Variants in TANC2 observed in about 807,000 individuals in gnomAD.
TANC2 encodes protein TANC2.
Under a neutral mutation model 210.5 loss-of-function variants are expected in TANC2, and 26 were observed. The observed-to-expected ratio is 0.12, with a 90% CI of 0.09 to 0.17. TANC2 has a LOEUF of 0.17. Among genes scored for constraint, TANC2 ranks in the 10% least tolerant of loss-of-function variants. The pLI is 1.00. For synonymous variants in TANC2, 931 were observed against 967.1 expected, an observed-to-expected ratio of 0.96 and a Z score of 0.69; for missense variants, 2,129 against 2,608.9, an observed-to-expected ratio of 0.82 and a Z score of 4.01.
intron 4 of TANC2, among the ~76,000 whole-genome samples, chr17:63,146,186 C>G (rs908209836): frequency 6.6e-6 from 1 of 151,858 alleles, no homozygotes; most frequent in East Asian, 1.9e-4. Flanking sequence ...TGAACTGTCT[C>G]CTTAGGTTTT....
chr17:63,065,277 C>G (rs1024299056), intron 2 of TANC2, among the ~76,000 whole-genome samples: 1 of 152,178 alleles, frequency 6.6e-6, no homozygotes, highest in African/African-American at 2.4e-5. Flanking sequence ...CCCACACATT[C>G]ACCACATTTT....
chr17:63,037,035 T>C (rs1180180190), intron 2 of TANC2, among the ~76,000 whole-genome samples: 1 of 152,112 alleles, frequency 6.6e-6, no homozygotes, highest in Non-Finnish European at 1.5e-5. Flanking sequence ...TAGTAAGATA[T>C]TCACAACAAT....
chr17:62,974,937 A>C (rs564078965), intron 1 of TANC2, among the ~76,000 whole-genome samples: 1 of 152,242 alleles, frequency 6.6e-6, no homozygotes, highest in East Asian at 1.9e-4. Context: ...TCTTTGGACC[A>C]GGTAGCCATT....
intron 7 of TANC2, among the ~76,000 whole-genome samples, chr17:63,218,821 G>C (rs1348139985): frequency 6.6e-6 from 1 of 152,058 alleles, no homozygotes; most frequent in Non-Finnish European, 1.5e-5. Context: ...TAGAACCCAG[G>C]AGACAGAGGT....
chr17:63,037,361 T>C (rs1012873709), intron 2 of TANC2, among the ~76,000 whole-genome samples: 4 of 152,146 alleles, frequency 2.6e-5, no homozygotes, highest in East Asian at 3.9e-4. Flanking sequence ...TTAAAACTTA[T>C]GAATTGGTAA....
intron 7 of TANC2, among the ~76,000 whole-genome samples, chr17:63,203,689 A>C (rs1172108302): frequency 1.3e-5 from 2 of 152,210 alleles, no homozygotes; most frequent in Non-Finnish European, 2.9e-5. Flanking sequence ...AATCTAAAGA[A>C]GGCAAATCCA....
chr17:63,266,740 G>A (rs1407422289), intron 8 of TANC2, among the ~76,000 whole-genome samples: 1 of 152,080 alleles, frequency 6.6e-6, no homozygotes, highest in Non-Finnish European at 1.5e-5. Context: ...AAACATTTGA[G>A]GCCCAGCAGC....
chr17:63,044,680 T>C (rs2035312047), intron 2 of TANC2, among the ~76,000 whole-genome samples: 1 of 152,174 alleles, frequency 6.6e-6, no homozygotes. Context: ...TTTGTCACTT[T>C]ACCAATTTAT....
chr17:63,059,596 C>T (rs2144512595), intron 2 of TANC2, among the ~76,000 whole-genome samples: 1 of 151,114 alleles, frequency 6.6e-6, no homozygotes, highest in Middle Eastern at 3.4e-3. Context: ...ATAGGTAAGG[C>T]AGCATCAAAG....
intron 10 of TANC2, 71 bp from the exon 11 acceptor site, chr17:63,318,886 T>G: frequency 6.5e-7 from 1 of 1,550,168 alleles, no homozygotes. Context: ...ATAGAACAAA[T>G]GGAATTTAGC....
intron 8 of TANC2, among the ~76,000 whole-genome samples, chr17:63,266,270 T>C (rs1291310922): frequency 6.6e-6 from 1 of 152,192 alleles, no homozygotes; most frequent in African/African-American, 2.4e-5. Flanking sequence ...TGCTACATTC[T>C]TTAGTAAAAT....
At position 63,367,876 on chromosome 17, in the gene TANC2, G is replaced by A. The variant is rs563207966; in HGVS notation, c.2583-11842G>A. The stretch of plus-strand genomic sequence containing the variant: ...TTTATAATTCTGTAGATAACAGGGA[G>A]CCTCTGTAGCCTTTTGAGAAGGAAG... On this transcript the variant is annotated intron_variant, in intron 14 of 27. Transcript: ENST00000689528. Among the ~76,000 whole-genome samples the A allele has an allele frequency of 6.6e-5, 10 of 152,320 alleles. No individual in the cohort carries two copies. In the East Asian group the frequency reaches 1.9e-3, roughly 29 times the overall value.
chr17:63,399,483 A>G (rs1567986084), intron 19 of TANC2, among the ~76,000 whole-genome samples: 2 of 152,218 alleles, frequency 1.3e-5, no homozygotes, highest in Non-Finnish European at 2.9e-5. Context: ...CAGTTTCTGT[A>G]TCGTTCGGTA....
At chr17:63,099,493 TA>T (rs3060701) in intron 4 of TANC2, 136 bp downstream of exon 4, 698 of 358,602 alleles carry the variant, frequency 1.9e-3, no homozygotes, top group East Asian at 4.8e-3. Flanking sequence ...CTCTTGACAC[TA>T]AAAAAAAAAC....
At position 63,421,805 on chromosome 17, in the gene TANC2, C is replaced by A; in HGVS notation, c.6075C>A (p.Ala2025=). The change falls in exon 28 of 28, where the codon GCC becomes GCA. Residue 2025 remains alanine (A), a synonymous_variant. Transcript: ENST00000689528. The surrounding 1 kb of genome is among the most constrained non-coding windows in gnomAD (Gnocchi z 6.9). ...ACCTCTTGGAGCGAGTCAGCCAGGC[C>A]TCCTCCTATCCCGACGTGAAGGTAG... 6.2e-7 allele frequency: 1 copy of A among 1,614,056 alleles called. No individual in the cohort carries two copies. The highest frequency in any genetic ancestry group is 8.5e-7 in the Non-Finnish European group (1 of 1,179,902).
intron 2 of TANC2, among the ~76,000 whole-genome samples, chr17:63,068,402 T>C (rs1383794972): frequency 1.3e-5 from 2 of 152,172 alleles, no homozygotes; most frequent in Admixed American, 1.3e-4. Context: ...GTTGCTCTTA[T>C]GGAGTTTTTG....
chr17:63,019,738 CA>C (rs1478907928), intron 2 of TANC2, among the ~76,000 whole-genome samples: 1 of 152,058 alleles, frequency 6.6e-6, no homozygotes, highest in Non-Finnish European at 1.5e-5. Context: ...TCATGTTAAT[CA>C]TCTTTTCATG....
chr17:63,127,586 A>G (rs1339728176), intron 4 of TANC2, among the ~76,000 whole-genome samples: 4 of 152,224 alleles, frequency 2.6e-5, no homozygotes, highest in East Asian at 1.9e-4. Flanking sequence ...ATGAAAATCT[A>G]TTCATGCTTT....
intron 9 of TANC2, among the ~76,000 whole-genome samples, chr17:63,297,629 C>G (rs983747522): frequency 6.6e-6 from 1 of 152,096 alleles, no homozygotes; most frequent in Non-Finnish European, 1.5e-5. Context: ...CAGGAAAAAT[C>G]CTCATGACCT....
Sources: gnomAD v4.1 joint callset for allele counts (sites outside exome capture counted in the v4.1 genomes callset) on GRCh38, gnomAD v4.1.1 for gene constraint, Gnocchi (gnomAD v3.1) non-coding constraint, MANE v1.5 for transcripts, NCBI Gene and HGNC (gene_info 2026-07-23, HGNC 2026-07-21) for gene names.